Variants in SLC66A3 observed in about 807,000 individuals in gnomAD.
SLC66A3 encodes the protein PQ loop repeat containing 3.
In SLC66A3, 23 loss-of-function variants were observed where a neutral mutation model predicts 25.5. The ratio of observed to expected loss-of-function variants is 0.90; its 90% CI spans 0.65 to 1.28. The LOEUF (loss-of-function observed/expected upper bound fraction) is 1.28. Ranked by LOEUF, SLC66A3 falls within the 50% of genes most tolerant of loss-of-function variation. SLC66A3 has a pLI of 0.00. For synonymous variants in SLC66A3, 108 were observed against 112.6 expected, an observed-to-expected ratio of 0.96 and a Z score of 0.26; for missense variants, 246 against 262.1, an observed-to-expected ratio of 0.94 and a Z score of 0.42.
intron 4 of SLC66A3, among the ~76,000 whole-genome samples, chr2:11,164,757 T>C (rs1662258193): frequency 2.0e-5 from 3 of 151,976 alleles, no homozygotes; most frequent in Non-Finnish European, 4.4e-5. Context: ...GCCTGCTGCC[T>C]TCAAGCATCT....
intron 3 of SLC66A3, among the ~76,000 whole-genome samples, chr2:11,162,732 G>C (rs999399469): frequency 1.5e-4 from 23 of 151,908 alleles, no homozygotes; most frequent in Middle Eastern, 3.4e-3. Flanking sequence ...TCAGCCTCCC[G>C]AGTAGCTGGG....
intron 1 of SLC66A3, among the ~76,000 whole-genome samples, chr2:11,158,026 G>GAGC (rs1364430663): frequency 6.6e-6 from 1 of 152,136 alleles, no homozygotes; most frequent in East Asian, 1.9e-4. Flanking sequence ...GATGCCTTTG[G>GAGC]AGCCCACCCC....
chr2:11,171,844 A>T lies in SLC66A3; in HGVS notation c.355-81A>T. On this transcript the variant is annotated intron_variant, in intron 4 of 6. Coordinates refer to ENST00000295083, the MANE Select transcript of SLC66A3 (RefSeq NM_152391.5). ...CGGCCTCCCAAAGTGCTGGAATTAC[A>T]GGTGTGAGCCACCGCACCTGGCCTC... is the stretch of plus-strand genomic sequence containing the variant. 8 of 1,478,842 alleles carry T rather than the reference A, an allele frequency of 5.4e-6. No homozygotes were observed. In the South Asian group the frequency reaches 9.4e-5, roughly 17 times the overall value. 91.6% of individuals were successfully genotyped at this position (1,478,842 alleles called of 1,614,324 possible).
At chr2:11,157,587 A>T (rs914205758) in intron 1 of SLC66A3, among the ~76,000 whole-genome samples, 1 of 152,184 alleles carries the variant, frequency 6.6e-6, no homozygotes, top group African/African-American at 2.4e-5. Flanking sequence ...CCGGAGTTAG[A>T]GCAGAAGGAA....
chr2:11,171,123 G>C (rs947957608), intron 4 of SLC66A3, among the ~76,000 whole-genome samples: 1 of 152,032 alleles, frequency 6.6e-6, no homozygotes, highest in African/African-American at 2.4e-5. Flanking sequence ...TTTGAGACCA[G>C]CCTGGCCAAT....
chr2:11,177,666 A>C (rs944553544), intron 6 of SLC66A3, 71 bp from the exon 7 acceptor site: 1 of 928,342 alleles, frequency 1.1e-6, no homozygotes, highest in East Asian at 2.5e-5. Flanking sequence ...TTAGGCTTAT[A>C]CTTTGAGCAG....
chr2:11,163,966 G>A (rs1012291796), intron 3 of SLC66A3, among the ~76,000 whole-genome samples: 2 of 152,166 alleles, frequency 1.3e-5, no homozygotes, highest in South Asian at 2.1e-4. Flanking sequence ...GTCCATGAGC[G>A]TGGGTGTCTT....
At chr2:11,156,188 T>C (rs562848881) in intron 1 of SLC66A3, among the ~76,000 whole-genome samples, 1 of 152,330 alleles carries the variant, frequency 6.6e-6, no homozygotes, top group East Asian at 1.9e-4. Flanking sequence ...TTAATGAGAT[T>C]CCTTGGGAGA....
chr2:11,155,882 A>T (rs560451533), intron 1 of SLC66A3, among the ~76,000 whole-genome samples, 193 bp downstream of exon 1: 1 of 152,158 alleles, frequency 6.6e-6, no homozygotes, highest in Admixed American at 6.5e-5. Flanking sequence ...CCACCCGCGT[A>T]CATTGTTTCT....
intron 5 of SLC66A3, among the ~76,000 whole-genome samples, chr2:11,173,760 C>T (rs1415612208): frequency 5.3e-5 from 8 of 152,206 alleles, no homozygotes; most frequent in Admixed American, 3.3e-4. Context: ...TCCCAAGTCA[C>T]GCCACTCCCT....
At chr2:11,176,654 A>C (rs556479821) in intron 6 of SLC66A3, among the ~76,000 whole-genome samples, 1 of 137,268 alleles carries the variant, frequency 7.3e-6, no homozygotes, top group Non-Finnish European at 1.5e-5. Flanking sequence ...TCAGCCTCCC[A>C]AGTAGCTGGG....
chr2:11,178,538 A>AT lies in SLC66A3; in HGVS notation c.*716dup, dbSNP rs1329317791. ...TTTCTGATTCAAGTACAATGCTGCCATTTTTTAAAGGGCCACAACTATAGA... is the reference window on the plus strand; with the variant it reads ...TTTCTGATTCAAGTACAATGCTGCCATTTTTTTAAAGGGCCACAACTATAGA... On this transcript the variant is annotated 3_prime_UTR_variant, in exon 7 of 7. Transcript: ENST00000295083. 6.6e-6 allele frequency: 1 copy of AT among 152,612 alleles called. No individual in the cohort carries two copies. The highest frequency in any genetic ancestry group is 6.5e-5 in the Admixed American group (1 of 15,280). The allele number at this position is 152,612 out of a possible 1,614,324, so 9.5% of individuals were successfully genotyped here. A position where few individuals can be genotyped will look rare whatever the true frequency, so the allele number is the denominator to read the frequency against.
chr2:11,158,809 A>C (rs1423127167), intron 1 of SLC66A3, among the ~76,000 whole-genome samples: 1 of 120,710 alleles, frequency 8.3e-6, no homozygotes, highest in Non-Finnish European at 2.0e-5. Flanking sequence ...ACAGAGCAAG[A>C]CTCCATCTCA....
At position 11,160,776 on chromosome 2, in the gene SLC66A3, C is replaced by T. The variant is rs1049473801; in HGVS notation, c.296+82C>T. Reference sequence around the variant, plus strand: ...ATGCATTGTGAAGCAGGCTCCTTTACCAGATGTGTATTTTTTGGTTAAACT... The same window carrying T: ...ATGCATTGTGAAGCAGGCTCCTTTATCAGATGTGTATTTTTTGGTTAAACT... On this transcript the variant is annotated intron_variant, in intron 3 of 6. Coordinates refer to ENST00000295083, the MANE Select transcript of SLC66A3 (RefSeq NM_152391.5). 2.5e-6 allele frequency: 4 copies of T among 1,584,744 alleles called. No individual in the cohort carries two copies. The African/African-American group carries it at 4.2e-5, about 17-fold the overall frequency.
chr2:11,164,402 C>T (rs35332442), intron 4 of SLC66A3, 141 bp downstream of exon 4: 86,863 of 163,664 alleles, frequency 0.53, 23,583 homozygotes, highest in South Asian at 0.57. Flanking sequence ...AGTACAATGG[C>T]GCAATCTCGG....
intron 1 of SLC66A3, 49 bp from the exon 2 acceptor site, chr2:11,160,417 C>T: frequency 6.4e-7 from 1 of 1,554,776 alleles, no homozygotes; most frequent in Non-Finnish European, 8.9e-7. Flanking sequence ...CAGGCCCCGA[C>T]AGCTGCGTTT....
intron 4 of SLC66A3, among the ~76,000 whole-genome samples, chr2:11,169,678 A>C (rs1662475510): frequency 6.6e-6 from 1 of 151,678 alleles, no homozygotes. Flanking sequence ...TTGCCTGACG[A>C]CTGAGCCTCT....
At chr2:11,160,801 T>C in intron 3 of SLC66A3, 107 bp downstream of exon 3, 3 of 1,225,286 alleles carry the variant, frequency 2.4e-6, no homozygotes, top group South Asian at 1.6e-5. Flanking sequence ...TTGGTTAAAC[T>C]AAAAAAAAAA....
chr2:11,155,523 C>G lies in SLC66A3; in HGVS notation c.-24C>G, dbSNP rs1235529064. 6.7e-7 allele frequency: 1 copy of G among 1,483,786 alleles called. No homozygotes were observed. Among genetic ancestry groups the G allele is most frequent in the Non-Finnish European group, 8.9e-7 (1 of 1,125,516 alleles). 91.9% of individuals were successfully genotyped at this position (1,483,786 alleles called of 1,614,324 possible). On this transcript the variant is annotated 5_prime_UTR_variant, in exon 1 of 7. Coordinates refer to ENST00000295083, the MANE Select transcript of SLC66A3 (RefSeq NM_152391.5). ...AGCGGTCCCTTCTCGCTGCGGCCGC[C>G]CAGGTGCCCGCGCCCGTGGCGCTAT...
Sources: gnomAD v4.1 joint callset for allele counts (sites outside exome capture counted in the v4.1 genomes callset) on GRCh38, gnomAD v4.1.1 for gene constraint, MANE v1.5 for transcripts, NCBI Gene and HGNC (gene_info 2026-07-23, HGNC 2026-07-21) for gene names.